RANBP10: variants seen among roughly 807,000 people sequenced by gnomAD.
RANBP10 encodes the protein RAN binding protein 10.
A neutral mutation model predicts 72.8 loss-of-function variants in RANBP10; 24 were observed. The ratio of observed to expected loss-of-function variants is 0.33; its 90% CI spans 0.24 to 0.46. RANBP10 has a LOEUF of 0.46. RANBP10 is among the 20% of genes least tolerant of loss of function. The pLI is 1.00. For missense variants in RANBP10, 679 were observed against 817.5 expected, an observed-to-expected ratio of 0.83 and a Z score of 2.07; for synonymous variants, 310 against 322.3, an observed-to-expected ratio of 0.96 and a Z score of 0.41.
intron 2 of RANBP10, among the ~76,000 whole-genome samples, chr16:67,788,804 C>T (rs2054969733): frequency 6.6e-6 from 1 of 151,058 alleles, no homozygotes; most frequent in Admixed American, 6.6e-5. Context: ...AGTTCGAGAC[C>T]AGCCTGGCCA....
At position 67,728,271 on chromosome 16, in the gene RANBP10, G is replaced by C. The variant is rs946221927; in HGVS notation, c.1474+119C>G. On this transcript the variant is annotated intron_variant, in intron 11 of 13. Transcript: ENST00000317506. Reference sequence around the variant, plus strand: ...AATCGGCTAAGGAGGCTGTGGACCAGGTCTGGCTGAAGCTTCTCAAGATGC... The same window carrying C: ...AATCGGCTAAGGAGGCTGTGGACCACGTCTGGCTGAAGCTTCTCAAGATGC... 4 of 1,103,410 alleles carry C rather than the reference G, an allele frequency of 3.6e-6. No individual in the cohort carries two copies. The African/African-American group carries it at 6.2e-5, about 17-fold the overall frequency. The allele number at this position is 1,103,410 out of a possible 1,614,324, so 68.4% of individuals were successfully genotyped here. A position where few individuals can be genotyped will look rare whatever the true frequency, so the allele number is the denominator to read the frequency against.
intron 2 of RANBP10, among the ~76,000 whole-genome samples, chr16:67,774,853 AT>A (rs923456637): frequency 1.3e-5 from 2 of 152,228 alleles, no homozygotes; most frequent in African/African-American, 4.8e-5. Context: ...CTTAAAGACT[AT>A]CATCCAACCA....
chr16:67,793,903 C>T (rs1483197192), intron 2 of RANBP10, among the ~76,000 whole-genome samples: 8 of 151,510 alleles, frequency 5.3e-5, no homozygotes, highest in East Asian at 3.9e-4. Flanking sequence ...ATTTTTGAGA[C>T]GAGTCTCACT....
chr16:67,745,798 T>C (rs2054062129), intron 3 of RANBP10, among the ~76,000 whole-genome samples: 1 of 151,930 alleles, frequency 6.6e-6, no homozygotes, highest in Non-Finnish European at 1.5e-5. Flanking sequence ...GGTGGGAGGA[T>C]CACTTGAGGT....
intron 4 of RANBP10, chr16:67,739,695 G>A (rs2053928473): frequency 6.6e-6 from 1 of 152,284 alleles, no homozygotes; most frequent in Non-Finnish European, 1.5e-5. Context: ...GAGCCCTGCA[G>A]GTTGAGGCTG....
At chr16:67,727,102 C>A (rs1468474527) in intron 13 of RANBP10, among the ~76,000 whole-genome samples, 1 of 152,236 alleles carries the variant, frequency 6.6e-6, no homozygotes, top group South Asian at 2.1e-4. Flanking sequence ...CGAGACCAAC[C>A]TGGCCAACAT....
chr16:67,768,931 T>C (rs2054553663), intron 3 of RANBP10, among the ~76,000 whole-genome samples: 1 of 152,250 alleles, frequency 6.6e-6, no homozygotes, highest in Non-Finnish European at 1.5e-5. Flanking sequence ...AAAATTTTTC[T>C]TTCTCAGTCC....
Position 67,746,252 on chromosome 16 carries a change from C to T in RANBP10, c.401-1797G>A, listed in dbSNP as rs555697688. ...ATCCCAGCACTTTGGGAGGACGAGG[C>T]GAGCGGATCATGAGGTCAGGAGATC... On this transcript the variant is annotated intron_variant, in intron 3 of 13. Coordinates refer to ENST00000317506, the MANE Select transcript of RANBP10 (RefSeq NM_020850.3). Among the ~76,000 whole-genome samples, 44 of 152,038 alleles carry T rather than the reference C, an allele frequency of 2.9e-4. No individual in the cohort carries two copies. The South Asian group carries it at 8.1e-3, about 28-fold the overall frequency.
In RANBP10 at chr16:67,750,552, C is replaced by T. The variant is rs75870560; in HGVS notation, c.401-6097G>A. ...GGGGCCAAATGATCTCAGGAAAGTT[C>T]CTCCAGTGCCCAGCATGTCAGGAGT... is the stretch of plus-strand genomic sequence containing the variant. On this transcript the variant is annotated intron_variant, in intron 3 of 13. Coordinates refer to ENST00000317506, the MANE Select transcript of RANBP10 (RefSeq NM_020850.3). 9.6e-3 allele frequency among the ~76,000 whole-genome samples: 1,468 copies of T among 152,248 alleles called. 22 individuals are homozygous for T. Among genetic ancestry groups the T allele is most frequent in the African/African-American group, 0.033 (1,370 of 41,540 alleles).
Position 67,773,590 on chromosome 16 carries a change from C to T in RANBP10, c.348-1504G>A, listed in dbSNP as rs113992021. Among the ~76,000 whole-genome samples, 1,464 of 152,204 alleles carry T rather than the reference C, an allele frequency of 9.6e-3. 21 individuals are homozygous for T. Among genetic ancestry groups the T allele is most frequent in the African/African-American group, 0.033 (1,366 of 41,524 alleles). ...GTCAGGCAGGGAGGGAAGGCTCTGA[C>T]CTACTCACCTGCCTCTGAAATCAGC... On this transcript the variant is annotated intron_variant, in intron 2 of 13. Coordinates refer to ENST00000317506, the MANE Select transcript of RANBP10 (RefSeq NM_020850.3).
Position 67,729,824 on chromosome 16 carries a change from G to T in RANBP10, c.1003C>A (p.Arg335=). 6.2e-7 allele frequency: 1 copy of T among 1,613,842 alleles called. No homozygotes were observed. The part of the protein sequence containing the change: ...NPNLLFMLKC[R]QFVEMVNGTD... ...CCATTCACCATCTCCACAAACTGCC[G>T]GCACCTGTGGAGGGAGCGGAGCAAT... is the stretch of plus-strand genomic sequence containing the variant. The change falls in exon 9 of 14, where the codon CGG becomes AGG. Residue 335 remains arginine (R), a synonymous_variant. Coordinates refer to ENST00000317506, the MANE Select transcript of RANBP10 (RefSeq NM_020850.3). This position sits in a 1 kb window ranked among gnomAD's most constrained non-coding sequence, Gnocchi z 7.1.
intron 2 of RANBP10, among the ~76,000 whole-genome samples, chr16:67,794,922 C>T (rs1316048950): frequency 2.1e-5 from 3 of 140,950 alleles, no homozygotes; most frequent in African/African-American, 8.4e-5. Flanking sequence ...TGAGACCCTG[C>T]CTCAAATTAA....
chr16:67,759,074 C>A (rs1262384386), intron 3 of RANBP10, among the ~76,000 whole-genome samples: 1 of 152,236 alleles, frequency 6.6e-6, no homozygotes, highest in African/African-American at 2.4e-5. Flanking sequence ...TCCTGCAGCA[C>A]TTACACCATT....
Position 67,735,031 on chromosome 16 carries a change from G to A in RANBP10, c.603C>T (p.Tyr201=). 1 of 1,603,360 alleles carries A rather than the reference G, an allele frequency of 6.2e-7. No individual in the cohort carries two copies. Among genetic ancestry groups the A allele is most frequent in the Non-Finnish European group, 8.5e-7 (1 of 1,173,116 alleles). ...IAFTDLPANL[Y]PTVGLQTPGE... ...CAGGTGTCTGCAGGCCTACGGTGGG[G>A]TAGAGGTTGGCCTGAGGAGGAGAAT... The change falls in exon 6 of 14, where the codon TAC becomes TAT. Residue 201 remains tyrosine (Y), a synonymous_variant. Transcript: ENST00000317506.
chr16:67,773,070 G>A (rs1286142661), intron 2 of RANBP10, among the ~76,000 whole-genome samples: 2 of 152,190 alleles, frequency 1.3e-5, no homozygotes, highest in Admixed American at 6.6e-5. Flanking sequence ...TTCGATGTTT[G>A]TCCTCTCCAA....
At chr16:67,802,291 G>A (rs974743644) in intron 2 of RANBP10, among the ~76,000 whole-genome samples, 3 of 152,128 alleles carry the variant, frequency 2.0e-5, no homozygotes, top group Admixed American at 6.6e-5. Flanking sequence ...ATCTGACAGT[G>A]GTCAACTGAA....
Position 67,726,539 on chromosome 16 carries a change from C to A in RANBP10, c.1752G>T (p.Lys584Asn). 1 of 1,561,994 alleles carries A rather than the reference C, an allele frequency of 6.4e-7. No homozygotes were observed. Among genetic ancestry groups the A allele is most frequent in the East Asian group, 2.4e-5 (1 of 41,748 alleles). ...SAILESQNLPKQPPLMLALGQ... is the reference protein window; with the variant it reads ...SAILESQNLPNQPPLMLALGQ... ...CCAGGGCGAGCATCAGAGGGGGCTG[C>A]TTTGGCAGGTTCTGGGACTCTGTGG... is the stretch of plus-strand genomic sequence containing the variant. The change falls in exon 14 of 14, where the codon AAG becomes AAT. Residue 584 changes from lysine (K) to asparagine (N), a missense_variant. Lys to Asn is a moderately conservative substitution (Grantham distance 94, BLOSUM62 0). Coordinates refer to ENST00000317506, the MANE Select transcript of RANBP10 (RefSeq NM_020850.3).
At chr16:67,785,734 A>AAAAAAAAAAAAAAAAAAAAAAAAAAC (rs2054904817) in intron 2 of RANBP10, among the ~76,000 whole-genome samples, 1 of 149,076 alleles carries the variant, frequency 6.7e-6, no homozygotes, top group Non-Finnish European at 1.5e-5. Flanking sequence ...TCCATCTCAA[A>AAAAAAAAAAAAAAAAAAAAAAAAAAC]AAAAAAAAAA....
intron 3 of RANBP10, among the ~76,000 whole-genome samples, chr16:67,769,483 C>T (rs1198267648): frequency 7.4e-6 from 1 of 135,644 alleles, no homozygotes; most frequent in African/African-American, 2.7e-5. Flanking sequence ...CAGTGGCTCA[C>T]GCCTGTAATC....
Sources: gnomAD v4.1 joint callset for allele counts (sites outside exome capture counted in the v4.1 genomes callset) on GRCh38, gnomAD v4.1.1 for gene constraint, Gnocchi (gnomAD v3.1) non-coding constraint, MANE v1.5 for transcripts, NCBI Gene and HGNC (gene_info 2026-07-23, HGNC 2026-07-21) for gene names.